FAM107B: variants seen among roughly 807,000 people sequenced by gnomAD.
FAM107B encodes the protein protein FAM107B.
In FAM107B, 21 loss-of-function variants were observed where a neutral mutation model predicts 31.5. That is an observed-to-expected ratio of 0.67 (90% confidence interval 0.47 to 0.96). The LOEUF is 0.96. Ranked by LOEUF, FAM107B falls within the 40% of genes least tolerant of loss-of-function variation. FAM107B has a pLI of 0.00. For missense variants in FAM107B, 452 were observed against 377.1 expected, an observed-to-expected ratio of 1.20 and a Z score of -1.64; for synonymous variants, 157 against 141.5, an observed-to-expected ratio of 1.11 and a Z score of -0.78.
At chr10:14,555,564 G>GA (rs1849621294) in intron 2 of FAM107B, among the ~76,000 whole-genome samples, 1 of 152,108 alleles carries the variant, frequency 6.6e-6, no homozygotes, top group African/African-American at 2.4e-5. Context: ...CCATTAGCAA[G>GA]AAATAAATTT....
Position 14,700,441 on chromosome 10 carries a change from A to G in FAM107B, c.412-32750T>C, listed in dbSNP as rs150977849. ...TGTCACCATGAACAGCCGTATATGG[A>G]AGCAAACCTTAAAGGTATTTCAGTG... On this transcript the variant is annotated intron_variant, in intron 1 of 4. Transcript: ENST00000181796. Among the ~76,000 whole-genome samples, 349 of 152,318 alleles carry G rather than the reference A, an allele frequency of 2.3e-3. 4 individuals are homozygous for G. The highest frequency in any genetic ancestry group is 0.018 in the South Asian group (85 of 4,832).
Position 14,774,410 on chromosome 10 carries a change from C to T in FAM107B, c.254G>A (p.Arg85Lys). 6.2e-7 allele frequency: 1 copy of T among 1,614,258 alleles called. No individual in the cohort carries two copies. Among genetic ancestry groups the T allele is most frequent in the Non-Finnish European group, 8.5e-7 (1 of 1,180,052 alleles). ...TGAATTCCGATTCGCACTGCCATTT[C>T]TCTCTGCATGGGTGCTCGAATCTTG... ...KRQDSSTHAE[R>K]NGSANRNSSH... is the part of the protein sequence containing the mutation. The change falls in exon 1 of 5, where the codon AGA (arginine) becomes AAA (lysine). Residue 85 changes from arginine (R) to lysine (K), a missense_variant. Arg to Lys is a conservative substitution (Grantham distance 26). Transcript: ENST00000181796.
intron 2 of FAM107B, among the ~76,000 whole-genome samples, chr10:14,627,053 C>T (rs1853184466): frequency 6.6e-6 from 1 of 152,132 alleles, no homozygotes; most frequent in Admixed American, 6.5e-5. Context: ...TAGATATGAC[C>T]ATAACCTGAA....
At chr10:14,723,503 T>C (rs541033587) in intron 1 of FAM107B, 13 of 599,072 alleles carry the variant, frequency 2.2e-5, no homozygotes, top group South Asian at 2.0e-4. Context: ...GTACCACACA[T>C]GCACAAAACT....
chr10:14,681,989 A>G (rs1210511578), intron 1 of FAM107B, among the ~76,000 whole-genome samples: 1 of 152,198 alleles, frequency 6.6e-6, no homozygotes, highest in South Asian at 2.1e-4. Flanking sequence ...TTAACAGTGC[A>G]TATTTTCTCA....
chr10:14,676,248 C>G (rs11259261), intron 1 of FAM107B, among the ~76,000 whole-genome samples: 146,761 of 152,292 alleles, frequency 0.96, 70,933 homozygotes, highest in East Asian at 1. Flanking sequence ...TGTTACTGGA[C>G]GTAATTTTAG....
At chr10:14,550,032 T>C (rs1305140450) in intron 2 of FAM107B, among the ~76,000 whole-genome samples, 1 of 152,090 alleles carries the variant, frequency 6.6e-6, no homozygotes, top group Admixed American at 6.6e-5. Context: ...TTTTAGAAAA[T>C]ATTCAACATT....
At chr10:14,631,873 G>A (rs889004022) in intron 2 of FAM107B, among the ~76,000 whole-genome samples, 1 of 152,124 alleles carries the variant, frequency 6.6e-6, no homozygotes, top group African/African-American at 2.4e-5. Context: ...ATTTCTAGAG[G>A]GTGACAGCCG....
At chr10:14,725,617 GAC>G (rs1400049794) in intron 1 of FAM107B, among the ~76,000 whole-genome samples, 14 of 68,664 alleles carry the variant, frequency 2.0e-4, no homozygotes, top group Admixed American at 4.6e-4. Context: ...AAGAGAGACA[GAC>G]AGAGAGAGAG....
At chr10:14,745,217 G>T (rs1832700723) in intron 1 of FAM107B, among the ~76,000 whole-genome samples, 2 of 151,742 alleles carry the variant, frequency 1.3e-5, no homozygotes, top group Non-Finnish European at 2.9e-5. Context: ...AGTCTAGTTA[G>T]TGGTCTATTT....
At chr10:14,598,232 G>T (rs1437327727) in intron 2 of FAM107B, among the ~76,000 whole-genome samples, 1 of 152,132 alleles carries the variant, frequency 6.6e-6, no homozygotes, top group East Asian at 1.9e-4. Flanking sequence ...CGTGGCAGCC[G>T]CGTAATTACT....
Position 14,542,803 on chromosome 10 carries a change from T to C in FAM107B, c.470-12288A>G, listed in dbSNP as rs181945051. The C allele has an allele frequency of 1.4e-4, 22 of 152,246 alleles. 1 individual carries two copies. In the East Asian group the frequency reaches 4.2e-3, roughly 29 times the overall value. 9.4% of individuals were successfully genotyped at this position (152,246 alleles called of 1,614,324 possible). ...GGCTCAAAAAAATCCTCACTAAAAC[T>C]CCGTAACATTAATTGCTGTGTATCA... On this transcript the variant is annotated intron_variant, in intron 2 of 4. Coordinates refer to ENST00000181796, the MANE Select transcript of FAM107B (RefSeq NM_031453.4).
At chr10:14,719,225 G>T (rs567833838) in intron 1 of FAM107B, among the ~76,000 whole-genome samples, 1 of 152,226 alleles carries the variant, frequency 6.6e-6, no homozygotes, top group East Asian at 1.9e-4. Flanking sequence ...CTCAGGCCTG[G>T]GTTCGGGAGT....
At chr10:14,624,650 T>C (rs1853108288) in intron 2 of FAM107B, among the ~76,000 whole-genome samples, 1 of 151,424 alleles carries the variant, frequency 6.6e-6, no homozygotes, top group Admixed American at 6.6e-5. Context: ...AAAAAAGACT[T>C]GAGGGTCAAC....
At chr10:14,678,710 A>G (rs969668350) in intron 1 of FAM107B, among the ~76,000 whole-genome samples, 2 of 151,708 alleles carry the variant, frequency 1.3e-5, no homozygotes, top group Non-Finnish European at 2.9e-5. Context: ...AAGAACTTCA[A>G]TATGAGAACC....
At chr10:14,567,474 T>C (rs549572756) in intron 2 of FAM107B, among the ~76,000 whole-genome samples, 160 of 151,792 alleles carry the variant, frequency 1.1e-3, no homozygotes, top group African/African-American at 3.8e-3. Context: ...AGGAAGAGGG[T>C]TGATGAGGAA....
At chr10:14,728,956 G>A (rs186905298) in intron 1 of FAM107B, among the ~76,000 whole-genome samples, 1 of 152,220 alleles carries the variant, frequency 6.6e-6, no homozygotes, top group East Asian at 1.9e-4. Flanking sequence ...CTTTATGTCA[G>A]TTGTTCAATT....
At chr10:14,549,284 C>T (rs1195618051) in intron 2 of FAM107B, among the ~76,000 whole-genome samples, 1 of 152,214 alleles carries the variant, frequency 6.6e-6, no homozygotes, top group Non-Finnish European at 1.5e-5. Flanking sequence ...AAGGGGCTTG[C>T]GAGGCCCCTC....
At chr10:14,532,100 C>A (rs1847086143) in intron 2 of FAM107B, among the ~76,000 whole-genome samples, 1 of 152,202 alleles carries the variant, frequency 6.6e-6, no homozygotes, top group Admixed American at 6.5e-5. Context: ...ACAAACATAT[C>A]AATGCTGACC....
Sources: allele counts gnomAD v4.1 joint callset (sites outside exome capture counted in the v4.1 genomes callset), GRCh38; gene constraint gnomAD v4.1.1; transcripts MANE v1.5; gene names NCBI Gene and HGNC (gene_info 2026-07-23, HGNC 2026-07-21).